CORO2B: variants seen among roughly 807,000 people sequenced by gnomAD.
CORO2B encodes the protein coronin 2B.
CORO2B carries 26 observed loss-of-function variants against 58.8 expected under a neutral mutation model. That is an observed-to-expected ratio of 0.44 (90% CI 0.32 to 0.61). The LOEUF (loss-of-function observed/expected upper bound fraction) is 0.61, where lower values mean the gene tolerates loss of function less well. CORO2B is among the 20% of genes least tolerant of loss of function. The pLI is 0.04. For missense variants in CORO2B, 460 were observed against 645.1 expected (o/e 0.71, Z 3.11); for synonymous variants, 242 against 253.8 (o/e 0.95, Z 0.44).
intron 1 of CORO2B, among the ~76,000 whole-genome samples, chr15:68,579,946 T>C (rs1899385897): frequency 1.3e-5 from 2 of 152,240 alleles, no homozygotes; most frequent in Non-Finnish European, 2.9e-5. Context: ...CCCACGTTTA[T>C]TGGAGAGACT....
chr15:68,640,564 A>G (rs1482512855), intron 1 of CORO2B, among the ~76,000 whole-genome samples: 1 of 151,638 alleles, frequency 6.6e-6, no homozygotes, highest in Non-Finnish European at 1.5e-5. Flanking sequence ...GGCAAAAGAG[A>G]GATCACAACC....
At chr15:68,671,059 G>C (rs1200200929) in intron 2 of CORO2B, among the ~76,000 whole-genome samples, 2 of 152,178 alleles carry the variant, frequency 1.3e-5, no homozygotes, top group African/African-American at 2.4e-5. Context: ...GGATCCAAAA[G>C]TAGGGAATTG....
intron 3 of CORO2B, among the ~76,000 whole-genome samples, chr15:68,707,129 G>A (rs545900391): frequency 5.9e-5 from 9 of 152,208 alleles, no homozygotes; most frequent in East Asian, 3.9e-4. Flanking sequence ...CCCAGCTGCC[G>A]CCTAGGCTTC....
intron 1 of CORO2B, among the ~76,000 whole-genome samples, chr15:68,633,514 T>TACACACACACACACACACACACAC (rs147873341): frequency 3.0e-4 from 43 of 144,086 alleles, no homozygotes; most frequent in African/African-American, 9.8e-4. Context: ...TACTCCAACA[T>TACACACACACACACACACACACAC]ACACACACAC....
rs555333821 is a variant in CORO2B, at chr15:68,657,473, A to G, written c.216+12113A>G. Among the ~76,000 whole-genome samples, 3 of 147,934 alleles carry G rather than the reference A, an allele frequency of 2.0e-5. No individual in the cohort carries two copies. In the South Asian group the frequency reaches 6.5e-4, roughly 32 times the overall value. Reference sequence around the variant, plus strand: ...GTTGAGGCTGCAGTGAGCTGTGCTCATGCCACTGCACTCTAGCTTAGGTGA... The same window carrying G: ...GTTGAGGCTGCAGTGAGCTGTGCTCGTGCCACTGCACTCTAGCTTAGGTGA... On this transcript the variant is annotated intron_variant, in intron 2 of 11. Coordinates refer to ENST00000261861, the MANE Select transcript of CORO2B (RefSeq NM_006091.5).
At chr15:68,624,674 GT>G (rs1013577785) in intron 1 of CORO2B, among the ~76,000 whole-genome samples, 140 of 144,660 alleles carry the variant, frequency 9.7e-4, no homozygotes, top group African/African-American at 2.9e-3. Context: ...GGGCATCTCT[GT>G]TTTTTTTTTT....
chr15:68,692,642 T>TTTC (rs1892408935), intron 2 of CORO2B, among the ~76,000 whole-genome samples: 2 of 148,730 alleles, frequency 1.3e-5, no homozygotes, highest in Admixed American at 1.3e-4. Context: ...CTTTTTTTTT[T>TTTC]GTTTTTTTGA....
upstream of CORO2B, among the ~76,000 whole-genome samples, chr15:68,577,086 G>T (rs1295733840): frequency 1.3e-5 from 2 of 152,136 alleles, no homozygotes; most frequent in Non-Finnish European, 1.5e-5. Context: ...CCTTAGGAAG[G>T]GTTTTGCACA....
At chr15:68,531,812 T>G in the CORO2B span, among the ~76,000 whole-genome samples, 1 of 151,746 alleles carries the variant, frequency 6.6e-6, no homozygotes. Flanking sequence ...CCTAAAGGAT[T>G]TTCTTTAGCT....
At chr15:68,611,803 ACT>A (rs1296775467) in intron 1 of CORO2B, among the ~76,000 whole-genome samples, 1 of 142,268 alleles carries the variant, frequency 7.0e-6, no homozygotes, top group African/African-American at 2.6e-5. Context: ...ACAAGATCTT[ACT>A]CTGTCACCCA....
intron 2 of CORO2B, among the ~76,000 whole-genome samples, chr15:68,665,744 G>A (rs1303578564): frequency 1.3e-5 from 2 of 151,976 alleles, no homozygotes; most frequent in East Asian, 3.9e-4. Context: ...ATTGATGATT[G>A]TATACTAGAA....
At chr15:68,566,450 C>T in the CORO2B span, among the ~76,000 whole-genome samples, 4 of 152,298 alleles carry the variant, frequency 2.6e-5, no homozygotes, top group South Asian at 6.2e-4. Flanking sequence ...CACTTAAAAT[C>T]GGGTCTCTGA....
intron 1 of CORO2B, among the ~76,000 whole-genome samples, chr15:68,597,014 G>T (rs752375793): frequency 6.6e-6 from 1 of 152,072 alleles, no homozygotes; most frequent in Non-Finnish European, 1.5e-5. Context: ...CTCAGGGACC[G>T]CCCTCCCCTG....
At chr15:68,696,189 G>T (rs527441884) in intron 3 of CORO2B, among the ~76,000 whole-genome samples, 1 of 151,698 alleles carries the variant, frequency 6.6e-6, no homozygotes, top group African/African-American at 2.4e-5. Context: ...GGTCAAGGCT[G>T]CAGTGAGCTG....
chr15:68,650,356 TAAAAAAAAAAAAAAAAAAAAA>T (rs532431600), intron 2 of CORO2B, among the ~76,000 whole-genome samples: 40 of 86,076 alleles, frequency 4.6e-4, no homozygotes, highest in African/African-American at 1.6e-3. Flanking sequence ...AAACTCTGTC[TAAAAAAAAAAAAAAAAAAAAA>T]AAAAAAAAAA....
chr15:68,614,592 T>G (rs1900309658), intron 1 of CORO2B, among the ~76,000 whole-genome samples: 1 of 152,142 alleles, frequency 6.6e-6, no homozygotes, highest in Non-Finnish European at 1.5e-5. Flanking sequence ...TGAATGACTT[T>G]AGAGGGTCAT....
At chr15:68,711,400 T>G (rs1273834125) in intron 4 of CORO2B, 142 bp from the exon 5 acceptor site, 11 of 633,220 alleles carry the variant, frequency 1.7e-5, no homozygotes, top group Middle Eastern at 4.3e-4. Flanking sequence ...CATATAGAAC[T>G]CAATGACCCC....
At chr15:68,697,977 G>A (rs1426980792) in intron 3 of CORO2B, among the ~76,000 whole-genome samples, 2 of 152,202 alleles carry the variant, frequency 1.3e-5, no homozygotes, top group African/African-American at 4.8e-5. Flanking sequence ...GAGAGTGGCG[G>A]GAAGGGCTGA....
At chr15:68,608,457 T>A (rs1566983941) in intron 1 of CORO2B, among the ~76,000 whole-genome samples, 1 of 152,212 alleles carries the variant, frequency 6.6e-6, no homozygotes, top group Non-Finnish European at 1.5e-5. Flanking sequence ...ACTGACTGGC[T>A]GGGAGCCCAG....
Sources: gnomAD v4.1 joint callset for allele counts (sites outside exome capture counted in the v4.1 genomes callset) on GRCh38, gnomAD v4.1.1 for gene constraint, MANE v1.5 for transcripts, NCBI Gene and HGNC (gene_info 2026-07-23, HGNC 2026-07-21) for gene names.